The following RAD51AP1 variants were observed in gnomAD, a reference collection of about 807,000 sequenced individuals.
RAD51AP1 encodes RAD51 associated protein 1.
Under a neutral mutation model 34.3 loss-of-function variants are expected in RAD51AP1, and 14 were observed. The observed-to-expected ratio is 0.41, with a 90% CI of 0.27 to 0.64. The LOEUF (loss-of-function observed/expected upper bound fraction) is 0.64. Among genes scored for constraint, RAD51AP1 ranks in the 30% least tolerant of loss-of-function variants. The probability of loss-of-function intolerance (pLI) is 0.33; values close to 1 mark genes in which losing one functional copy is unlikely to be tolerated. For synonymous variants in RAD51AP1, 114 were observed against 129.8 expected, an observed-to-expected ratio of 0.88 and a Z score of 0.83; for missense variants, 348 against 386.9, an observed-to-expected ratio of 0.90 and a Z score of 0.84.
chr12:4,545,348 C>A, intron 3 of RAD51AP1: 1 of 351,598 alleles, frequency 2.8e-6, no homozygotes, highest in Non-Finnish European at 5.6e-6. Context: ...CATGAAATGT[C>A]CAGAATAGGC....
At chr12:4,556,568 T>A in intron 8 of RAD51AP1, 66 bp downstream of exon 8, 1 of 1,555,926 alleles carries the variant, frequency 6.4e-7, no homozygotes, top group Non-Finnish European at 8.8e-7. Flanking sequence ...TTTTTCCTAG[T>A]TACAAACATC....
At chr12:4,545,784 T>A (rs764650598) in intron 3 of RAD51AP1, 1 of 1,613,166 alleles carries the variant, frequency 6.2e-7, no homozygotes. Flanking sequence ...AATTGCAGAC[T>A]CCCTGAAGGT....
At position 4,548,613 on chromosome 12, in the gene RAD51AP1, G is replaced by C. The variant is rs564728563; in HGVS notation, c.407-74G>C. ...GCAAATAAAAACAATAGCTGTAATA[G>C]AGTCTGGTCTGCAGTTCTTGAAATA... On this transcript the variant is annotated intron_variant, in intron 5 of 8. Transcript: ENST00000352618. 3.4e-6 allele frequency: 5 copies of C among 1,490,136 alleles called. No individual in the cohort carries two copies. In the South Asian group the frequency reaches 6.2e-5, roughly 18 times the overall value. The allele number at this position is 1,490,136 out of a possible 1,614,324, so 92.3% of individuals were successfully genotyped here. A position where few individuals can be genotyped will look rare whatever the true frequency, so the allele number is the denominator to read the frequency against.
In RAD51AP1 at chr12:4,556,377, C is replaced by T; in HGVS notation, c.746C>T (p.Ala249Val). The T allele has an allele frequency of 6.2e-7, 1 of 1,613,488 alleles. No individual in the cohort carries two copies. The highest frequency in any genetic ancestry group is 8.5e-7 in the Non-Finnish European group (1 of 1,179,558). Residue 249 changes from alanine to valine, a missense_variant, in exon 8 of 9, where the codon GCT becomes GTT. Coordinates refer to ENST00000352618, the MANE Select transcript of RAD51AP1 (RefSeq NM_006479.5). Reference sequence around the variant, plus strand: ...GTGACTTCGGTGGACTCTGCTCCAGCTGCCGTCAAATCAGAATCTCAGTCC... The same window carrying T: ...GTGACTTCGGTGGACTCTGCTCCAGTTGCCGTCAAATCAGAATCTCAGTCC... ...ALVTSVDSAP[A>V]AVKSESQSLP... is the part of the protein sequence containing the mutation.
intron 3 of RAD51AP1, among the ~76,000 whole-genome samples, 158 bp from the exon 4 acceptor site, chr12:4,546,151 C>T (rs1215421027): frequency 1.8e-5 from 2 of 113,796 alleles, no homozygotes; most frequent in East Asian, 3.9e-4. Context: ...TTTTAGGAGT[C>T]TTATCTTATC....
intron 4 of RAD51AP1, 130 bp downstream of exon 4, chr12:4,546,548 A>G (rs1008763507): frequency 1.7e-6 from 1 of 596,468 alleles, no homozygotes; most frequent in Non-Finnish European, 3.0e-6. Context: ...ACCCATTTGC[A>G]GAGAATACGA....
intron 7 of RAD51AP1, among the ~76,000 whole-genome samples, chr12:4,555,732 TTCAG>T (rs1282639170): frequency 1.3e-5 from 2 of 152,202 alleles, no homozygotes; most frequent in African/African-American, 4.8e-5. Flanking sequence ...CTTGATTTGG[TTCAG>T]ACCATCCTCA....
intron 3 of RAD51AP1, chr12:4,545,893 G>A: frequency 6.4e-7 from 1 of 1,558,784 alleles, no homozygotes; most frequent in Non-Finnish European, 8.8e-7. Flanking sequence ...GTAAAAAAAT[G>A]ATAATAATTT....
At chr12:4,543,553 T>C (rs1015094615) in intron 2 of RAD51AP1, among the ~76,000 whole-genome samples, 3 of 152,312 alleles carry the variant, frequency 2.0e-5, no homozygotes, top group East Asian at 1.9e-4. Flanking sequence ...TGGTTTTTGA[T>C]AGACTGATAT....
chr12:4,543,047 A>G (rs1443428773), intron 2 of RAD51AP1, among the ~76,000 whole-genome samples: 1 of 151,838 alleles, frequency 6.6e-6, no homozygotes, highest in Admixed American at 6.6e-5. Flanking sequence ...TGTACTAGGA[A>G]TAGGTAATGG....
rs1944608697 is a variant in RAD51AP1, at chr12:4,559,863, A to G, written c.*870A>G. On this transcript the variant is annotated 3_prime_UTR_variant, in exon 9 of 9. Transcript: ENST00000352618. ...GAATTTACTTTGAAAAACAATTGTAATGAATATTTTATATTTACATTGAGA... is the reference window on the plus strand; with the variant it reads ...GAATTTACTTTGAAAAACAATTGTAGTGAATATTTTATATTTACATTGAGA... 1 of 152,196 alleles carries G rather than the reference A, an allele frequency of 6.6e-6. No individual in the cohort carries two copies. Among genetic ancestry groups the G allele is most frequent in the African/African-American group, 2.4e-5 (1 of 41,462 alleles). 9.4% of individuals were successfully genotyped at this position (152,196 alleles called of 1,614,324 possible).
At chr12:4,543,999 C>T (rs1944488175) in intron 3 of RAD51AP1, 95 bp downstream of exon 3, 2 of 1,097,212 alleles carry the variant, frequency 1.8e-6, no homozygotes, top group Non-Finnish European at 2.5e-6. Flanking sequence ...AGAACTTGGG[C>T]AGAGTCATAG....
At position 4,558,859 on chromosome 12, in the gene RAD51AP1, G is replaced by A. The variant is rs1385304060; in HGVS notation, c.874G>A (p.Ala292Thr). ...TCACATCATATGTTTCCTTTCAGCG[G>A]CATCTGGAGGTAGCAGAAGTAGCAG... ...SKKPKWVPPA[A>T]SGGSRSSSSP... The change falls in exon 9 of 9, where the codon GCA (alanine) becomes ACA (threonine). Residue 292 changes from alanine (A) to threonine (T), a missense_variant and splice_region_variant. Transcript: ENST00000352618. 2 of 1,613,622 alleles carry A rather than the reference G, an allele frequency of 1.2e-6. No individual in the cohort carries two copies. Among genetic ancestry groups the A allele is most frequent in the East Asian group, 2.2e-5 (1 of 44,870 alleles).
chr12:4,559,757 T>C lies in RAD51AP1; in HGVS notation c.*764T>C, dbSNP rs1327239182. 3 of 152,224 alleles carry C rather than the reference T, an allele frequency of 2.0e-5. No homozygotes were observed. The highest frequency in any genetic ancestry group is 4.4e-5 in the Non-Finnish European group (3 of 68,034). 9.4% of individuals were successfully genotyped at this position (152,224 alleles called of 1,614,324 possible). A position where few individuals can be genotyped will look rare whatever the true frequency, so the allele number is the denominator to read the frequency against. On this transcript the variant is annotated 3_prime_UTR_variant, in exon 9 of 9. Coordinates refer to ENST00000352618, the MANE Select transcript of RAD51AP1 (RefSeq NM_006479.5). ...CTTCAAGTAGTCACTTTTTGTTAAGTTCTTTAGAAAGTAGTTGTCAAGTAC... is the reference window on the plus strand; with the variant it reads ...CTTCAAGTAGTCACTTTTTGTTAAGCTCTTTAGAAAGTAGTTGTCAAGTAC...
Position 4,553,046 on chromosome 12 carries a change from T to C in RAD51AP1, c.620T>C (p.Met207Thr). The change falls in exon 7 of 9, where the codon ATG becomes ACG. Residue 207 changes from methionine to threonine, a missense_variant. Coordinates refer to ENST00000352618, the MANE Select transcript of RAD51AP1 (RefSeq NM_006479.5). The part of the protein sequence containing the change: ...ESEDNDEDFS[M>T]RKSKVKEIKK... Reference sequence around the variant, plus strand: ...GAGGATAATGACGAAGACTTCTCTATGAGAAAAAGTAAAGTTAAAGAAATT... The same window carrying C: ...GAGGATAATGACGAAGACTTCTCTACGAGAAAAAGTAAAGTTAAAGAAATT... 1.2e-6 allele frequency: 2 copies of C among 1,605,984 alleles called. No individual in the cohort carries two copies. The highest frequency in any genetic ancestry group is 1.7e-6 in the Non-Finnish European group (2 of 1,176,968).
chr12:4,547,103 T>C (rs1944511622), intron 4 of RAD51AP1, among the ~76,000 whole-genome samples: 2 of 152,234 alleles, frequency 1.3e-5, no homozygotes, highest in Non-Finnish European at 2.9e-5. Flanking sequence ...GGTCTCTCTC[T>C]GTCATCCAGG....
At chr12:4,546,567 A>G in intron 4 of RAD51AP1, 149 bp downstream of exon 4, 1 of 555,934 alleles carries the variant, frequency 1.8e-6, no homozygotes, top group Non-Finnish European at 3.2e-6. Context: ...GATTGGATTT[A>G]GTTCTTAATT....
intron 3 of RAD51AP1, chr12:4,545,809 A>C: frequency 6.2e-7 from 1 of 1,613,360 alleles, no homozygotes; most frequent in Non-Finnish European, 8.5e-7. Context: ...TTAGTATTCC[A>C]GCTAGTGCAG....
rs1944428432 is a variant in RAD51AP1, at chr12:4,538,967, C to T, written c.17+11C>T. On this transcript the variant is annotated intron_variant, in intron 1 of 8. Coordinates refer to ENST00000352618, the MANE Select transcript of RAD51AP1 (RefSeq NM_006479.5). ...GGTGCGGCCTGTGAGGTGGGTAGTTCCTGACATTCGTCGGGGGTGGGAGGA... is the reference window on the plus strand; with the variant it reads ...GGTGCGGCCTGTGAGGTGGGTAGTTTCTGACATTCGTCGGGGGTGGGAGGA... 6.2e-7 allele frequency: 1 copy of T among 1,613,450 alleles called. No individual in the cohort carries two copies. Among genetic ancestry groups the T allele is most frequent in the African/African-American group, 1.3e-5 (1 of 74,904 alleles).
Sources: gnomAD v4.1 joint callset for allele counts (sites outside exome capture counted in the v4.1 genomes callset) on GRCh38, gnomAD v4.1.1 for gene constraint, MANE v1.5 for transcripts, NCBI Gene and HGNC (gene_info 2026-07-23, HGNC 2026-07-21) for gene names.